Variants in UNC5C observed in about 807,000 individuals in gnomAD.
UNC5C encodes unc-5 netrin receptor C.
Under a neutral mutation model 99.8 loss-of-function variants are expected in UNC5C, and 47 were observed. The observed-to-expected ratio is 0.47, with a 90% CI of 0.37 to 0.60. The LOEUF is 0.60. Ranked by LOEUF, UNC5C falls within the 20% of genes least tolerant of loss-of-function variation. UNC5C has a pLI of 0.00. For synonymous variants in UNC5C, 487 were observed against 452.2 expected (o/e 1.08, Z -0.98); for missense variants, 1,062 against 1,165.9 (o/e 0.91, Z 1.30).
At chr4:95,235,209 G>T (rs986259249) in intron 7 of UNC5C, among the ~76,000 whole-genome samples, 19 of 152,168 alleles carry the variant, frequency 1.2e-4, no homozygotes, top group Admixed American at 1.0e-3. Flanking sequence ...AGAGAGCCAT[G>T]CTTCCAAGAC....
At chr4:95,205,849 C>CT (rs1409563898) in intron 11 of UNC5C, among the ~76,000 whole-genome samples, 1 of 152,106 alleles carries the variant, frequency 6.6e-6, no homozygotes, top group Non-Finnish European at 1.5e-5. Context: ...TTTCTTCCTT[C>CT]TAGTGGAGCT....
intron 3 of UNC5C, among the ~76,000 whole-genome samples, chr4:95,300,211 C>A (rs1307605060): frequency 6.6e-6 from 1 of 152,170 alleles, no homozygotes; most frequent in Non-Finnish European, 1.5e-5. Flanking sequence ...TACGTGGCAT[C>A]CATGTTGCTT....
chr4:95,348,870 A>T (rs1475859964), intron 1 of UNC5C, among the ~76,000 whole-genome samples: 1 of 151,538 alleles, frequency 6.6e-6, no homozygotes, highest in African/African-American at 2.4e-5. Context: ...AGGTACAGAA[A>T]GACAAACTTC....
At chr4:95,174,405 C>G (rs2149345426) in intron 14 of UNC5C, among the ~76,000 whole-genome samples, 1 of 152,232 alleles carries the variant, frequency 6.6e-6, no homozygotes, top group Admixed American at 6.5e-5. Flanking sequence ...CCTCTACACA[C>G]TGCTTTGAAT....
chr4:95,332,801 A>C (rs912954424), intron 2 of UNC5C, among the ~76,000 whole-genome samples: 6 of 151,790 alleles, frequency 4.0e-5, no homozygotes, highest in African/African-American at 1.5e-4. Flanking sequence ...AAAATGGGAG[A>C]AAATTTTCAC....
At chr4:95,494,517 AG>A (rs1721580460) in intron 1 of UNC5C, among the ~76,000 whole-genome samples, 1 of 151,470 alleles carries the variant, frequency 6.6e-6, no homozygotes. Flanking sequence ...ATGCTTTTAT[AG>A]AAAGAAAGTG....
chr4:95,367,165 G>T (rs17023627), intron 1 of UNC5C, among the ~76,000 whole-genome samples: 19,945 of 149,866 alleles, frequency 0.13, 1,550 homozygotes, highest in African/African-American at 0.2. Flanking sequence ...CCTAGAATTT[G>T]AGTCTTCTTA....
intron 1 of UNC5C, among the ~76,000 whole-genome samples, chr4:95,505,316 C>A (rs918347991): frequency 1.3e-5 from 2 of 152,006 alleles, no homozygotes; most frequent in African/African-American, 4.8e-5. Context: ...TCTTTATGAG[C>A]GAGCAGTCAT....
At chr4:95,416,300 C>T (rs1746164041) in intron 1 of UNC5C, among the ~76,000 whole-genome samples, 2 of 152,014 alleles carry the variant, frequency 1.3e-5, no homozygotes, top group South Asian at 2.1e-4. Flanking sequence ...GTGCTTACAT[C>T]GTGATGTGCA....
chr4:95,392,783 C>T (rs61600067), intron 1 of UNC5C, among the ~76,000 whole-genome samples: 7,187 of 152,088 alleles, frequency 0.047, 212 homozygotes, highest in African/African-American at 0.056. Flanking sequence ...GAAATCTTAT[C>T]ACTACAAAGT....
At chr4:95,270,004 C>T (rs6829650) in intron 4 of UNC5C, among the ~76,000 whole-genome samples, 5 of 152,010 alleles carry the variant, frequency 3.3e-5, no homozygotes, top group South Asian at 2.1e-4. Flanking sequence ...TGTGAGCCCC[C>T]GTACCTGGCC....
chr4:95,491,576 C>T (rs1721492821), intron 1 of UNC5C, among the ~76,000 whole-genome samples: 1 of 151,574 alleles, frequency 6.6e-6, no homozygotes, highest in South Asian at 2.1e-4. Context: ...ATATCCAAAT[C>T]CTGATTCCTT....
rs116390820 is a variant in UNC5C, at chr4:95,531,891, A to G, written c.124+16843T>C. Among the ~76,000 whole-genome samples, 715 of 152,330 alleles carry G rather than the reference A, an allele frequency of 4.7e-3. 7 individuals carry two copies. Among genetic ancestry groups the G allele is most frequent in the African/African-American group, 0.016 (677 of 41,586 alleles). ...ACAACAATAACCCCAATATAGAACA[A>G]AATTTCATCACTCAACTTGAAAGTC... On this transcript the variant is annotated intron_variant, in intron 1 of 15. Transcript: ENST00000453304.
intron 1 of UNC5C, among the ~76,000 whole-genome samples, chr4:95,473,636 CA>C (rs1578182664): frequency 6.6e-6 from 1 of 152,124 alleles, no homozygotes. Context: ...ATCTTATTTG[CA>C]AAAAGCCTAT....
At chr4:95,240,954 T>C (rs377382696) in intron 7 of UNC5C, among the ~76,000 whole-genome samples, 22 of 152,304 alleles carry the variant, frequency 1.4e-4, no homozygotes, top group African/African-American at 4.3e-4. Flanking sequence ...ATGGAAGTAG[T>C]AGGCATTAAA....
chr4:95,544,118 G>T (rs1722994853), intron 1 of UNC5C, among the ~76,000 whole-genome samples: 1 of 152,140 alleles, frequency 6.6e-6, no homozygotes, highest in Admixed American at 6.5e-5. Context: ...TGCTCTAATT[G>T]TAACCTGTAG....
intron 7 of UNC5C, among the ~76,000 whole-genome samples, chr4:95,227,261 C>CA (rs1400146585): frequency 4.0e-5 from 6 of 151,826 alleles, no homozygotes; most frequent in Non-Finnish European, 7.4e-5. Flanking sequence ...GCAATCCTCC[C>CA]ATCTCAGCCT....
intron 1 of UNC5C, among the ~76,000 whole-genome samples, chr4:95,403,676 C>T (rs1163391945): frequency 6.6e-6 from 1 of 152,170 alleles, no homozygotes; most frequent in Non-Finnish European, 1.5e-5. Context: ...TGGTCTTTGT[C>T]CATCTCTATC....
chr4:95,303,791 G>A (rs1560777769), intron 2 of UNC5C, among the ~76,000 whole-genome samples: 1 of 152,132 alleles, frequency 6.6e-6, no homozygotes, highest in African/African-American at 2.4e-5. Context: ...AAATAGATAT[G>A]TGTGTATGTG....
Sources: allele counts gnomAD v4.1 joint callset (sites outside exome capture counted in the v4.1 genomes callset), GRCh38; gene constraint gnomAD v4.1.1; transcripts MANE v1.5; gene names NCBI Gene and HGNC (gene_info 2026-07-23, HGNC 2026-07-21).